The following RFC1 variants were observed in gnomAD, a reference collection of about 807,000 sequenced individuals.
The protein encoded by RFC1 is replication factor C subunit 1.
RFC1 carries 37 observed loss-of-function variants against 137.4 expected under a neutral mutation model. The ratio of observed to expected loss-of-function variants is 0.27; its 90% CI spans 0.21 to 0.35. The LOEUF is 0.35. RFC1 is among the 10% of genes least tolerant of loss of function. The probability of loss-of-function intolerance (pLI) is 1.00; values close to 1 mark genes in which losing one functional copy is unlikely to be tolerated. For synonymous variants in RFC1, 429 were observed against 455.7 expected (o/e 0.94, Z 0.75); for missense variants, 1,205 against 1,358.5 (o/e 0.89, Z 1.78).
chr4:39,335,648 C>T (rs1409965069), intron 4 of RFC1, among the ~76,000 whole-genome samples: 3 of 152,050 alleles, frequency 2.0e-5, no homozygotes, highest in Non-Finnish European at 4.4e-5. Flanking sequence ...GGGGGAAAGG[C>T]CTGGGCAGTT....
At position 39,327,595 on chromosome 4, in the gene RFC1, C is replaced by G. The variant is rs745632771; in HGVS notation, c.493G>C (p.Val165Leu). 3 of 1,613,670 alleles carry G rather than the reference C, an allele frequency of 1.9e-6. No homozygotes were observed. The South Asian group carries it at 3.3e-5, about 18-fold the overall frequency. The change falls in exon 5 of 25, where the codon GTA (valine) becomes CTA (leucine). Residue 165 changes from valine (V) to leucine (L), a missense_variant. Physicochemically the swap from Val to Leu is conservative, Grantham distance 32. Transcript: ENST00000349703. ...CTTCCAGTTCCAAAATAATCAAGTA[C>G]TGATGTGGGTGTAAGTTTTATTGGT... ...LSPIKLTPTS[V>L]LDYFGTGSVQ...
At chr4:39,307,412 C>G (rs368502651) in intron 13 of RFC1, 1 of 152,734 alleles carries the variant, frequency 6.5e-6, no homozygotes, top group Admixed American at 6.5e-5. Flanking sequence ...AGAGTTCACC[C>G]GAAGCTTTAA....
chr4:39,314,629 T>C (rs1324061049), intron 10 of RFC1, among the ~76,000 whole-genome samples: 2 of 151,938 alleles, frequency 1.3e-5, no homozygotes, highest in Non-Finnish European at 2.9e-5. Flanking sequence ...CTCATACCCA[T>C]GTACAGGAGG....
intron 22 of RFC1, 171 bp from the exon 23 acceptor site, chr4:39,292,023 A>C: frequency 3.3e-6 from 2 of 607,916 alleles, no homozygotes; most frequent in Non-Finnish European, 5.9e-6. Flanking sequence ...CCAGCACCAC[A>C]GCATGAGGGT....
At chr4:39,329,338 CA>C (rs1162746336) in intron 4 of RFC1, among the ~76,000 whole-genome samples, 1 of 150,796 alleles carries the variant, frequency 6.6e-6, no homozygotes, top group South Asian at 2.1e-4. Context: ...CCATCTCTAC[CA>C]AAAAAAATTA....
At chr4:39,340,201 T>C (rs1054566801) in intron 4 of RFC1, among the ~76,000 whole-genome samples, 4 of 152,236 alleles carry the variant, frequency 2.6e-5, no homozygotes, top group Middle Eastern at 3.4e-3. Flanking sequence ...AAAATGCCAA[T>C]AGAACCAAAG....
At position 39,342,372 on chromosome 4, in the gene RFC1, C is replaced by A. The variant is rs143871368; in HGVS notation, c.304G>T (p.Asp102Tyr). 2 of 1,613,320 alleles carry A rather than the reference C, an allele frequency of 1.2e-6. No individual in the cohort carries two copies. The highest frequency in any genetic ancestry group is 1.7e-6 in the Non-Finnish European group (2 of 1,179,498). Residue 102 changes from aspartate (D) to tyrosine (Y), a missense_variant, in exon 4 of 25, where the codon GAT (aspartate) becomes TAT (tyrosine). Asp to Tyr is a radical substitution (Grantham distance 160, BLOSUM62 -3). Coordinates refer to ENST00000349703, the MANE Select transcript of RFC1 (RefSeq NM_002913.5). ...SSKPGKISRQ[D>Y]PVTYISETDE... is the part of the protein sequence containing the mutation. Reference sequence around the variant, plus strand: ...GTTTCTGAAATGTATGTAACAGGATCCTGCCGTGAAATTTTACCAGGTTTA... The same window carrying A: ...GTTTCTGAAATGTATGTAACAGGATACTGCCGTGAAATTTTACCAGGTTTA...
At chr4:39,339,060 C>T (rs1740490527) in intron 4 of RFC1, among the ~76,000 whole-genome samples, 1 of 151,852 alleles carries the variant, frequency 6.6e-6, no homozygotes, top group Non-Finnish European at 1.5e-5. Context: ...TTCACACATG[C>T]TGTGGCAAAT....
chr4:39,311,610 T>TA lies in RFC1; in HGVS notation c.1384-62dup. The TA allele has an allele frequency of 6.9e-6, 9 of 1,299,298 alleles. No individual in the cohort carries two copies. The Admixed American group carries it at 7.5e-5, about 11-fold the overall frequency. The allele number at this position is 1,299,298 out of a possible 1,614,324, so 80.5% of individuals were successfully genotyped here. On this transcript the variant is annotated intron_variant, in intron 11 of 24. Transcript: ENST00000349703. ...CCTGCATCCTACCATTCCCTTCTCT[T>TA]ACAAAAAAAAAAATTCTAGGGCCTA... is the stretch of plus-strand genomic sequence containing the variant.
intron 1 of RFC1, among the ~76,000 whole-genome samples, chr4:39,357,199 A>C (rs1741520674): frequency 6.6e-6 from 1 of 152,244 alleles, no homozygotes; most frequent in Admixed American, 6.5e-5. Context: ...GAAATAGAGA[A>C]TAGAAACTAC....
chr4:39,363,994 C>T (rs539908999), intron 1 of RFC1, among the ~76,000 whole-genome samples: 43 of 148,992 alleles, frequency 2.9e-4, no homozygotes, highest in African/African-American at 1.1e-3. Flanking sequence ...GTGGAAGGAT[C>T]GCTTGTACCC....
At chr4:39,310,979 T>C (rs1738935597) in intron 12 of RFC1, among the ~76,000 whole-genome samples, 1 of 151,868 alleles carries the variant, frequency 6.6e-6, no homozygotes, top group Admixed American at 6.6e-5. Flanking sequence ...CCGTCTCTAT[T>C]AAAAATATAA....
chr4:39,331,132 T>C (rs1020233913), intron 4 of RFC1, among the ~76,000 whole-genome samples: 8 of 152,184 alleles, frequency 5.3e-5, no homozygotes, highest in African/African-American at 1.9e-4. Flanking sequence ...GATCATGGTA[T>C]TATAGAAACT....
At position 39,327,577 on chromosome 4, in the gene RFC1, T is replaced by C; in HGVS notation, c.511A>G (p.Thr171Ala). The C allele has an allele frequency of 6.2e-7, 1 of 1,613,694 alleles. No homozygotes were observed. Among genetic ancestry groups the C allele is most frequent in the Non-Finnish European group, 8.5e-7 (1 of 1,179,858 alleles). The change falls in exon 5 of 25, where the codon ACT becomes GCT. Residue 171 changes from threonine to alanine, a missense_variant. By Grantham distance (58) the Thr-to-Ala change is moderately conservative (BLOSUM62 0). This residue lies in a region of RFC1 where 962 missense variants were observed against 1,035.3 expected (regional missense o/e 0.93). Coordinates refer to ENST00000349703, the MANE Select transcript of RFC1 (RefSeq NM_002913.5). ...TPTSVLDYFG[T>A]GSVQRSNKKM... is the part of the protein sequence containing the mutation. ...TTATTAGATCTTTGGACACTTCCAG[T>C]TCCAAAATAATCAAGTACTGATGTG...
intron 22 of RFC1, among the ~76,000 whole-genome samples, chr4:39,295,073 T>G (rs921318337): frequency 2.6e-5 from 4 of 152,234 alleles, no homozygotes; most frequent in African/African-American, 9.6e-5. Context: ...TTTCTAAAGT[T>G]CAACAAAACT....
intron 3 of RFC1, 150 bp from the exon 4 acceptor site, chr4:39,342,617 C>T (rs6812588): frequency 0.96 from 645,584 of 669,230 alleles, 315,237 homozygotes; most frequent in East Asian, 1. Context: ...TTACTCAGTG[C>T]TAAGCCTATG....
rs1404753197 is a variant in RFC1 at position 39,308,866 on chromosome 4, C to A, written c.1655G>T (p.Ser552Ile). The change falls in exon 13 of 25, where the codon AGC becomes ATC. Residue 552 changes from serine to isoleucine, a missense_variant. Physicochemically the swap from Ser to Ile is moderately radical, Grantham distance 142 (BLOSUM62 -2). Coordinates refer to ENST00000349703, the MANE Select transcript of RFC1 (RefSeq NM_002913.5). ...AGCCACCTGCTCCTTGAAATCCAGG[C>A]TTTTCCAAAACACATCTGTTTCCTT... ...IKKETDVFWK[S>I]LDFKEQVAEE... 1 of 1,614,202 alleles carries A rather than the reference C, an allele frequency of 6.2e-7. No individual in the cohort carries two copies. Among genetic ancestry groups the A allele is most frequent in the South Asian group, 1.1e-5 (1 of 91,082 alleles).
intron 4 of RFC1, among the ~76,000 whole-genome samples, chr4:39,329,125 C>CAAAAAAAAA (rs1739940741): frequency 7.9e-4 from 2 of 2,546 alleles, no homozygotes; most frequent in Non-Finnish European, 7.0e-4. Flanking sequence ...TTCAGTGACT[C>CAAAAAAAAA]ACAAAAAAAA....
intron 19 of RFC1, among the ~76,000 whole-genome samples, chr4:39,301,931 C>G (rs1738381359): frequency 6.6e-6 from 1 of 152,152 alleles, no homozygotes; most frequent in South Asian, 2.1e-4. Context: ...TCAGAGAGGT[C>G]ATTAAACTAA....
Sources: allele counts gnomAD v4.1 joint callset (sites outside exome capture counted in the v4.1 genomes callset), GRCh38; gene constraint gnomAD v4.1.1; regional missense constraint gnomAD v4.1.1; transcripts MANE v1.5; gene names NCBI Gene and HGNC (gene_info 2026-07-23, HGNC 2026-07-21).